Variants in ZNF274 observed in about 807,000 individuals in gnomAD.
ZNF274 encodes the protein neurotrophin receptor-interacting factor homolog.
ZNF274 carries 23 observed loss-of-function variants against 42.5 expected under a neutral mutation model. That is an observed-to-expected ratio of 0.54 (90% CI 0.39 to 0.77). The LOEUF (loss-of-function observed/expected upper bound fraction) is 0.77. ZNF274 is among the 30% of genes least tolerant of loss of function. ZNF274 has a pLI of 0.00. For missense variants in ZNF274, 679 were observed against 806.5 expected, an observed-to-expected ratio of 0.84 and a Z score of 1.91; for synonymous variants, 292 against 305.4, an observed-to-expected ratio of 0.96 and a Z score of 0.46.
chr19:58,212,080 C>T lies in ZNF274; in HGVS notation c.980-81C>T. The stretch of plus-strand genomic sequence containing the variant: ...GAAAAAAAAAATCCTGACTTTTGAA[C>T]TTAATTATGCATTTCATGCTCTCAG... On this transcript the variant is annotated intron_variant, in intron 7 of 7. Transcript: ENST00000617501. This position sits in a 1 kb window ranked among gnomAD's most constrained non-coding sequence, Gnocchi z 4.6. 6.8e-7 allele frequency: 1 copy of T among 1,476,396 alleles called. No individual in the cohort carries two copies. Among genetic ancestry groups the T allele is most frequent in the Non-Finnish European group, 9.0e-7 (1 of 1,112,242 alleles). The allele number at this position is 1,476,396 out of a possible 1,614,324, so 91.5% of individuals were successfully genotyped here.
At chr19:58,204,804 A>C (rs1471253239) in intron 4 of ZNF274, among the ~76,000 whole-genome samples, 1 of 152,182 alleles carries the variant, frequency 6.6e-6, no homozygotes, top group African/African-American at 2.4e-5. Flanking sequence ...TTGTGGAAAT[A>C]AAGACCAGGC....
chr19:58,202,582 A>G (rs1254595442), intron 4 of ZNF274: 1 of 152,218 alleles, frequency 6.6e-6, no homozygotes, highest in African/African-American at 2.4e-5. Flanking sequence ...GCTCCAGCTG[A>G]TAGGGATTAT....
At chr19:58,186,041 A>AG (rs1226217168) in intron 3 of ZNF274, 2 of 346,446 alleles carry the variant, frequency 5.8e-6, no homozygotes, top group Non-Finnish European at 1.0e-5. Flanking sequence ...TTTCAGCTGC[A>AG]GTAGTGGATG....
intron 4 of ZNF274, among the ~76,000 whole-genome samples, chr19:58,188,714 A>ATATATG (rs1555816934): frequency 0.13 from 16,284 of 127,418 alleles, 1,647 homozygotes; most frequent in Middle Eastern, 0.25. Context: ...ATATATATAT[A>ATATATG]TATATATATA....
intron 2 of ZNF274, 186 bp downstream of exon 2, chr19:58,184,184 G>T (rs759497205): frequency 2.4e-5 from 15 of 634,486 alleles, no homozygotes; most frequent in Non-Finnish European, 3.5e-5. Context: ...GTTTTCCAAG[G>T]GTGTAGTTAG....
chr19:58,196,460 G>T (rs2075843638), intron 4 of ZNF274, among the ~76,000 whole-genome samples: 1 of 152,042 alleles, frequency 6.6e-6, no homozygotes, highest in South Asian at 2.1e-4. Context: ...TACTTGGGAG[G>T]CTGAGGTGGG....
At chr19:58,191,161 CAG>C (rs750266339) in intron 4 of ZNF274, among the ~76,000 whole-genome samples, 11 of 152,168 alleles carry the variant, frequency 7.2e-5, no homozygotes, top group Non-Finnish European at 1.5e-4. Flanking sequence ...GTTTTTGAGA[CAG>C]AGTCTCACTC....
chr19:58,190,788 C>T (rs1016575247), intron 4 of ZNF274, among the ~76,000 whole-genome samples: 2 of 152,092 alleles, frequency 1.3e-5, no homozygotes, highest in African/African-American at 4.8e-5. Context: ...TCTTTGTTTT[C>T]TGTGCTGTGG....
chr19:58,195,434 A>G (rs1436533867), intron 4 of ZNF274, among the ~76,000 whole-genome samples: 18 of 152,194 alleles, frequency 1.2e-4, no homozygotes, highest in Admixed American at 1.2e-3. Flanking sequence ...CACAGCACAT[A>G]AAAACATCCG....
At chr19:58,204,445 G>A (rs2075956667) in intron 4 of ZNF274, among the ~76,000 whole-genome samples, 1 of 152,100 alleles carries the variant, frequency 6.6e-6, no homozygotes, top group Admixed American at 6.5e-5. Context: ...GCTATTCTGG[G>A]CGAAAGGGTT....
chr19:58,192,706 A>G (rs1241543363), intron 4 of ZNF274, among the ~76,000 whole-genome samples: 4 of 152,200 alleles, frequency 2.6e-5, no homozygotes, highest in African/African-American at 9.6e-5. Context: ...TGACGAGGAA[A>G]AAAAGTTTGC....
intron 4 of ZNF274, among the ~76,000 whole-genome samples, chr19:58,188,884 C>CA (rs11287051): frequency 2.0e-4 from 29 of 143,404 alleles, no homozygotes; most frequent in South Asian, 6.7e-4. Flanking sequence ...GACCCTGTCT[C>CA]AAAAAAAAAA....
Position 58,213,477 on chromosome 19 carries a change from C to T in ZNF274, c.*334C>T, listed in dbSNP as rs760330581. ...TAATTAATAATCTGCACTGATATTA[C>T]ATCCACAGTACCACAGTATTTATGT... On this transcript the variant is annotated 3_prime_UTR_variant, in exon 8 of 8. Transcript: ENST00000617501. The T allele has an allele frequency of 5.1e-5, 13 of 254,156 alleles. No homozygotes were observed. The highest frequency in any genetic ancestry group is 8.4e-5 in the Non-Finnish European group (11 of 131,486). The allele number at this position is 254,156 out of a possible 1,614,324, so 15.7% of individuals were successfully genotyped here.
chr19:58,189,601 G>A (rs1309844804), intron 4 of ZNF274, among the ~76,000 whole-genome samples: 1 of 151,796 alleles, frequency 6.6e-6, no homozygotes, highest in African/African-American at 2.4e-5. Context: ...ATATATAGTA[G>A]TTCCCCTTGT....
intron 4 of ZNF274, among the ~76,000 whole-genome samples, chr19:58,190,968 G>T (rs774109309): frequency 6.6e-6 from 1 of 152,120 alleles, no homozygotes; most frequent in South Asian, 2.1e-4. Context: ...TGATTTCTTC[G>T]TATTTCAGCT....
At chr19:58,202,646 G>A (rs1443446066) in intron 4 of ZNF274, among the ~76,000 whole-genome samples, 1 of 152,214 alleles carries the variant, frequency 6.6e-6, no homozygotes, top group Non-Finnish European at 1.5e-5. Flanking sequence ...GAGATGGGTG[G>A]AATGAGAATC....
In ZNF274 at chr19:58,206,968, T is replaced by C; in HGVS notation, c.505T>C (p.Tyr169His). The change falls in exon 5 of 8, where the codon TAT becomes CAT. Residue 169 changes from tyrosine to histidine, a missense_variant. Tyr to His is a moderately conservative substitution (Grantham distance 83). Coordinates refer to ENST00000617501, the MANE Select transcript of ZNF274 (RefSeq NM_133502.3). Reference protein sequence around the residue: ...AARQRFRQFRYKDMTGPREAL... With the variant: ...AARQRFRQFRHKDMTGPREAL... ...GCGCCAGAGGTTCCGGCAGTTCCGTTATAAGGACATGACAGGTCCCCGGGA... is the reference window on the plus strand; with the variant it reads ...GCGCCAGAGGTTCCGGCAGTTCCGTCATAAGGACATGACAGGTCCCCGGGA... 6.2e-7 allele frequency: 1 copy of C among 1,610,308 alleles called. No homozygotes were observed. Among genetic ancestry groups the C allele is most frequent in the Non-Finnish European group, 8.5e-7 (1 of 1,178,280 alleles).
Position 58,211,225 on chromosome 19 carries a change from A to C in ZNF274, c.853-335A>C. 5.2e-6 allele frequency: 1 copy of C among 192,556 alleles called. No individual in the cohort carries two copies. Among genetic ancestry groups the C allele is most frequent in the Non-Finnish European group, 1.1e-5 (1 of 94,446 alleles). The allele number at this position is 192,556 out of a possible 1,614,324, so 11.9% of individuals were successfully genotyped here. ...TGGTTGTCATTTCCACCAAGTGGGA[A>C]GACAGTATTAATAGATGGAGAACCC... On this transcript the variant is annotated intron_variant, in intron 6 of 7. Coordinates refer to ENST00000617501, the MANE Select transcript of ZNF274 (RefSeq NM_133502.3). The surrounding 1 kb of genome is among the most constrained non-coding windows in gnomAD (Gnocchi z 4.8).
chr19:58,188,972 G>A (rs1049826618), intron 4 of ZNF274, among the ~76,000 whole-genome samples: 33 of 151,652 alleles, frequency 2.2e-4, no homozygotes, highest in African/African-American at 7.3e-4. Context: ...ACAGCAATTT[G>A]TAATGGTCTT....
Sources: gnomAD v4.1 joint callset for allele counts (sites outside exome capture counted in the v4.1 genomes callset) on GRCh38, gnomAD v4.1.1 for gene constraint, Gnocchi (gnomAD v3.1) non-coding constraint, MANE v1.5 for transcripts, NCBI Gene and HGNC (gene_info 2026-07-23, HGNC 2026-07-21) for gene names.